The following NDC1 variants were observed in gnomAD, a reference collection of about 807,000 sequenced individuals.
The protein encoded by NDC1 is nucleoporin NDC1.
A neutral mutation model predicts 89.8 loss-of-function variants in NDC1; 24 were observed. The ratio of observed to expected loss-of-function variants is 0.27; its 90% CI spans 0.19 to 0.38. The LOEUF (loss-of-function observed/expected upper bound fraction) is 0.38, where lower values mean the gene tolerates loss of function less well. Among genes scored for constraint, NDC1 ranks in the 10% least tolerant of loss-of-function variants. The pLI is 1.00. For synonymous variants in NDC1, 296 were observed against 284.8 expected, an observed-to-expected ratio of 1.04 and a Z score of -0.39; for missense variants, 728 against 797.6, an observed-to-expected ratio of 0.91 and a Z score of 1.05.
In NDC1 at chr1:53,767,821, C is replaced by T. The variant is rs954832872; in HGVS notation, c.*149G>A. 3.6e-5 allele frequency: 16 copies of T among 445,822 alleles called. No individual in the cohort carries two copies. Among genetic ancestry groups the T allele is most frequent in the Non-Finnish European group, 4.8e-5 (12 of 250,052 alleles). The allele number at this position is 445,822 out of a possible 1,614,324, so 27.6% of individuals were successfully genotyped here. ...TGTTGAGAATTTCTTTCCATGATTTCTCCCATTAAAGTATAGTTTTCAAAG... is the reference window on the plus strand; with the variant it reads ...TGTTGAGAATTTCTTTCCATGATTTTTCCCATTAAAGTATAGTTTTCAAAG... On this transcript the variant is annotated 3_prime_UTR_variant, in exon 18 of 18. Transcript: ENST00000371429.
chr1:53,806,549 A>G (rs1436422308), intron 8 of NDC1, 32 bp from the exon 9 acceptor site: 3 of 1,336,528 alleles, frequency 2.2e-6, no homozygotes, highest in African/African-American at 3.0e-5. Flanking sequence ...AAAAATGATT[A>G]TTTTCATGAT....
intron 1 of NDC1, among the ~76,000 whole-genome samples, chr1:53,835,851 GA>G (rs1418295792): frequency 5.3e-5 from 8 of 152,164 alleles, no homozygotes; most frequent in African/African-American, 1.9e-4. Context: ...TACTTTGTAT[GA>G]GGGGTGGTGG....
At chr1:53,791,968 C>A (rs1447127857) in intron 14 of NDC1, among the ~76,000 whole-genome samples, 1 of 149,148 alleles carries the variant, frequency 6.7e-6, no homozygotes, top group Non-Finnish European at 1.5e-5. Flanking sequence ...TTTGAGACGG[C>A]GTCTCGCTCT....
At chr1:53,778,258 T>TATAC (rs1478350650) in intron 16 of NDC1, among the ~76,000 whole-genome samples, 1 of 122,434 alleles carries the variant, frequency 8.2e-6, no homozygotes, top group South Asian at 2.3e-4. Context: ...TGTGTGTGTA[T>TATAC]ATACACACAC....
intron 14 of NDC1, among the ~76,000 whole-genome samples, chr1:53,789,454 T>A (rs1371797475): frequency 1.3e-5 from 2 of 152,246 alleles, no homozygotes; most frequent in Non-Finnish European, 2.9e-5. Flanking sequence ...AAGTTACATA[T>A]ACTCAACCCA....
At chr1:53,786,609 A>G (rs1313264382) in intron 16 of NDC1, among the ~76,000 whole-genome samples, 3 of 152,374 alleles carry the variant, frequency 2.0e-5, no homozygotes, top group Non-Finnish European at 4.4e-5. Context: ...TACCAGGGGC[A>G]TATCCTACAG....
At chr1:53,823,055 C>T (rs1200311606) in intron 5 of NDC1, among the ~76,000 whole-genome samples, 1 of 152,094 alleles carries the variant, frequency 6.6e-6, no homozygotes, top group Non-Finnish European at 1.5e-5. Context: ...TTAGTCTTCT[C>T]GGGAGGCAAA....
At chr1:53,818,212 G>A (rs563413998) in intron 6 of NDC1, among the ~76,000 whole-genome samples, 16 of 152,116 alleles carry the variant, frequency 1.1e-4, no homozygotes, top group East Asian at 7.8e-4. Context: ...AGAGGTGGGC[G>A]GATCACCTGA....
chr1:53,768,174 G>A lies in NDC1; in HGVS notation c.1962-141C>T, dbSNP rs1234085753. 5 of 537,514 alleles carry A rather than the reference G, an allele frequency of 9.3e-6. No individual in the cohort carries two copies. The East Asian group carries it at 9.7e-5, about 10-fold the overall frequency. 33.3% of individuals were successfully genotyped at this position (537,514 alleles called of 1,614,324 possible). On this transcript the variant is annotated intron_variant, in intron 17 of 17. Coordinates refer to ENST00000371429, the MANE Select transcript of NDC1 (RefSeq NM_018087.5). Reference sequence around the variant, plus strand: ...ACTTATTACTATTTCTGAAAAAGCTGGATGAAAACTCTTTTTAATCTAATG... The same window carrying A: ...ACTTATTACTATTTCTGAAAAAGCTAGATGAAAACTCTTTTTAATCTAATG...
intron 16 of NDC1, among the ~76,000 whole-genome samples, chr1:53,780,419 A>T (rs116078972): frequency 6.6e-6 from 1 of 152,048 alleles, no homozygotes; most frequent in African/African-American, 2.4e-5. Flanking sequence ...ACTGACTACA[A>T]CTGTAGTTCT....
rs563149743 is a variant in NDC1, at chr1:53,785,054, C to T, written c.1800+2104G>A. ...CTGCAATCAGACTGGGTTCTAGTTC[C>T]AGCTCTGCCACCTAGGAGATTGTGT... On this transcript the variant is annotated intron_variant, in intron 16 of 17. Coordinates refer to ENST00000371429, the MANE Select transcript of NDC1 (RefSeq NM_018087.5). Among the ~76,000 whole-genome samples the T allele has an allele frequency of 3.9e-5, 6 of 152,214 alleles. No homozygotes were observed. The East Asian group carries it at 1.2e-3, about 29-fold the overall frequency.
At chr1:53,808,663 T>C (rs1390175444) in intron 7 of NDC1, among the ~76,000 whole-genome samples, 1 of 152,102 alleles carries the variant, frequency 6.6e-6, no homozygotes, top group Non-Finnish European at 1.5e-5. Flanking sequence ...AAAACATTTT[T>C]TGAGTGCAAG....
chr1:53,777,113 A>C (rs1473456024), intron 16 of NDC1, among the ~76,000 whole-genome samples: 1 of 152,026 alleles, frequency 6.6e-6, no homozygotes, highest in Non-Finnish European at 1.5e-5. Flanking sequence ...CTGTAGTCTC[A>C]AACTCAAGCA....
At chr1:53,796,074 C>T (rs1647686761) in intron 13 of NDC1, among the ~76,000 whole-genome samples, 1 of 152,218 alleles carries the variant, frequency 6.6e-6, no homozygotes, top group Non-Finnish European at 1.5e-5. Context: ...CTTCAGGTCT[C>T]TGATCAATCA....
At chr1:53,805,542 T>C (rs1358061585) in intron 9 of NDC1, among the ~76,000 whole-genome samples, 1 of 152,210 alleles carries the variant, frequency 6.6e-6, no homozygotes, top group Admixed American at 6.5e-5. Flanking sequence ...ATACTGTAGA[T>C]CTAGTTTAAA....
chr1:53,788,043 A>G (rs1349633547), intron 15 of NDC1, among the ~76,000 whole-genome samples: 4 of 151,426 alleles, frequency 2.6e-5, no homozygotes, highest in Non-Finnish European at 5.9e-5. Flanking sequence ...AAAACAATCT[A>G]TCTGTTGCAC....
At chr1:53,792,730 T>C (rs890764946) in intron 14 of NDC1, among the ~76,000 whole-genome samples, 2 of 152,222 alleles carry the variant, frequency 1.3e-5, no homozygotes, top group East Asian at 3.9e-4. Flanking sequence ...CTTCTACAAC[T>C]GAGATTTACT....
chr1:53,792,294 T>C (rs1453086264), intron 14 of NDC1, among the ~76,000 whole-genome samples: 2 of 152,120 alleles, frequency 1.3e-5, no homozygotes, highest in Non-Finnish European at 2.9e-5. Flanking sequence ...ACAACCCCTC[T>C]TCCTTTTGGT....
At chr1:53,768,249 C>T (rs1337167287) in intron 17 of NDC1, among the ~76,000 whole-genome samples, 1 of 152,172 alleles carries the variant, frequency 6.6e-6, no homozygotes, top group Non-Finnish European at 1.5e-5. Flanking sequence ...TTCTAAAAGA[C>T]CAAACAAATT....
Sources: gnomAD v4.1 joint callset for allele counts (sites outside exome capture counted in the v4.1 genomes callset) on GRCh38, gnomAD v4.1.1 for gene constraint, MANE v1.5 for transcripts, NCBI Gene and HGNC (gene_info 2026-07-23, HGNC 2026-07-21) for gene names.